The following LARS2 variants were observed in gnomAD, a reference collection of about 807,000 sequenced individuals.
LARS2 encodes the protein leucine--tRNA ligase, mitochondrial.
A neutral mutation model predicts 116.6 loss-of-function variants in LARS2; 81 were observed. The ratio of observed to expected loss-of-function variants is 0.69; its 90% CI spans 0.58 to 0.84. LARS2 has a LOEUF of 0.84. Ranked by LOEUF, LARS2 falls within the 40% of genes least tolerant of loss-of-function variation. The pLI is 0.00. For missense variants in LARS2, 968 were observed against 1,114.5 expected, an observed-to-expected ratio of 0.87 and a Z score of 1.87; for synonymous variants, 396 against 407.2, an observed-to-expected ratio of 0.97 and a Z score of 0.33.
intron 6 of LARS2, among the ~76,000 whole-genome samples, chr3:45,439,082 T>A (rs1698858150): frequency 6.6e-6 from 1 of 152,094 alleles, no homozygotes; most frequent in Non-Finnish European, 1.5e-5. Context: ...TGTTCCCTAC[T>A]TCCTCCTCCC....
intron 20 of LARS2, among the ~76,000 whole-genome samples, chr3:45,539,988 G>C (rs1001029413): frequency 2.6e-5 from 4 of 151,820 alleles, no homozygotes; most frequent in African/African-American, 9.7e-5. Context: ...ATGCTATCTG[G>C]GGTTGGGTGC....
intron 8 of LARS2, among the ~76,000 whole-genome samples, chr3:45,461,643 G>A (rs1015707889): frequency 6.6e-6 from 1 of 152,180 alleles, no homozygotes; most frequent in African/African-American, 2.4e-5. Flanking sequence ...GATGCAGAGA[G>A]ACCAGTTAGA....
chr3:45,419,293 C>CT (rs541931584), intron 5 of LARS2, among the ~76,000 whole-genome samples: 438 of 152,286 alleles, frequency 2.9e-3, no homozygotes, highest in African/African-American at 0.01. Flanking sequence ...TTTTCAGCCA[C>CT]TTTTAAGCTT....
chr3:45,539,670 C>T (rs1327193591), intron 20 of LARS2, among the ~76,000 whole-genome samples: 1 of 151,960 alleles, frequency 6.6e-6, no homozygotes, highest in African/African-American at 2.4e-5. Flanking sequence ...ACTTCTACTC[C>T]CCAGAGATAC....
Position 45,485,767 on chromosome 3 carries a change from A to C in LARS2, c.1094A>C (p.Asp365Ala). Residue 365 changes from aspartate (D) to alanine (A), a missense_variant, in exon 11 of 22, where the codon GAC becomes GCC. Coordinates refer to ENST00000645846, the MANE Select transcript of LARS2 (RefSeq NM_015340.4). ...EVPVVILAKA[D>A]LEGSLDSKIG... ...CCTGTCGTTATTTTGGCCAAAGCTGACTTGGAAGGCTCTCTGGATTCAAAA... is the reference window on the plus strand; with the variant it reads ...CCTGTCGTTATTTTGGCCAAAGCTGCCTTGGAAGGCTCTCTGGATTCAAAA... 1 of 1,610,926 alleles carries C rather than the reference A, an allele frequency of 6.2e-7. No individual in the cohort carries two copies. Among genetic ancestry groups the C allele is most frequent in the Non-Finnish European group, 8.5e-7 (1 of 1,177,956 alleles).
chr3:45,539,807 G>T lies in LARS2; in HGVS notation c.2405-2022G>T, dbSNP rs147524321. Among the ~76,000 whole-genome samples the T allele has an allele frequency of 5.9e-5, 9 of 152,072 alleles. No individual in the cohort carries two copies. In the East Asian group the frequency reaches 1.7e-3, roughly 29 times the overall value. On this transcript the variant is annotated intron_variant, in intron 20 of 21. Transcript: ENST00000645846. ...GGTCCTATTATATATATAATTGTGT[G>T]TCATTCTTTGCCATGAAATTAAATA...
chr3:45,486,919 T>G (rs1365049956), intron 11 of LARS2, among the ~76,000 whole-genome samples: 1 of 152,206 alleles, frequency 6.6e-6, no homozygotes, highest in African/African-American at 2.4e-5. Context: ...ATCGGATTTT[T>G]TTAGGTGCAT....
Position 45,496,357 on chromosome 3 carries a change from C to G in LARS2, c.1606C>G (p.Pro536Ala). The G allele has an allele frequency of 6.2e-7, 1 of 1,612,954 alleles. No individual in the cohort carries two copies. Among genetic ancestry groups the G allele is most frequent in the Non-Finnish European group, 8.5e-7 (1 of 1,179,034 alleles). ...TTGGTACTACTTCAGATACACTGAC[C>G]CTCATAATCCACACAGGTAAAACGT... ...SAWYYFRYTD[P>A]HNPHSPFNTA... Residue 536 changes from proline (P) to alanine (A), a missense_variant, in exon 14 of 22, where the codon CCT (proline) becomes GCT (alanine). Pro to Ala is a conservative substitution (Grantham distance 27, BLOSUM62 -1). Transcript: ENST00000645846.
intron 7 of LARS2, among the ~76,000 whole-genome samples, chr3:45,458,066 A>G (rs2125709983): frequency 1.3e-5 from 2 of 152,326 alleles, no homozygotes; most frequent in East Asian, 3.9e-4. Flanking sequence ...GTAAAAATGT[A>G]TCGAGTTGTA....
chr3:45,422,069 A>G (rs1698522191), intron 6 of LARS2: 1 of 152,226 alleles, frequency 6.6e-6, no homozygotes, highest in Admixed American at 6.5e-5. Flanking sequence ...CACATATTTT[A>G]TTATTTCCTT....
At chr3:45,448,588 C>G (rs1411985331) in intron 7 of LARS2, among the ~76,000 whole-genome samples, 2 of 151,810 alleles carry the variant, frequency 1.3e-5, no homozygotes, top group African/African-American at 2.4e-5. Context: ...GATTTACCCA[C>G]ATATTTATTA....
At chr3:45,515,511 C>T (rs10510746) in intron 16 of LARS2, among the ~76,000 whole-genome samples, 78,712 of 152,122 alleles carry the variant, frequency 0.52, 24,294 homozygotes, top group East Asian at 0.78. Flanking sequence ...TTTAAGACCC[C>T]TTCCATCAGC....
intron 5 of LARS2, among the ~76,000 whole-genome samples, chr3:45,418,781 C>T (rs1487826827): frequency 1.3e-5 from 2 of 152,254 alleles, no homozygotes; most frequent in Admixed American, 1.3e-4. Flanking sequence ...ATGATGGCCC[C>T]TGAGCCAGGC....
At chr3:45,533,141 C>CTTT (rs3085466) in intron 20 of LARS2, among the ~76,000 whole-genome samples, 4,956 of 51,108 alleles carry the variant, frequency 0.097, 1,503 homozygotes, top group Middle Eastern at 0.22. Context: ...CACATTAAGT[C>CTTT]TTTTTTTTTT....
chr3:45,436,191 C>T (rs1021065868), intron 6 of LARS2, among the ~76,000 whole-genome samples: 6 of 152,144 alleles, frequency 3.9e-5, no homozygotes, highest in Admixed American at 2.0e-4. Context: ...GATATTTCCT[C>T]TTCCTCTGGA....
intron 15 of LARS2, among the ~76,000 whole-genome samples, chr3:45,503,248 T>C (rs534454425): frequency 1.3e-5 from 2 of 152,172 alleles, no homozygotes; most frequent in East Asian, 3.9e-4. Context: ...GTCTACAGAT[T>C]CTCAGGAGAA....
At chr3:45,425,564 A>AGTTTTGAT (rs1698580245) in intron 6 of LARS2, among the ~76,000 whole-genome samples, 1 of 152,212 alleles carries the variant, frequency 6.6e-6, no homozygotes, top group African/African-American at 2.4e-5. Flanking sequence ...TGGTGACTTC[A>AGTTTTGAT]GGCCCTTCCA....
At position 45,516,224 on chromosome 3, in the gene LARS2, C is replaced by T; in HGVS notation, c.1992C>T (p.Leu664=). The change falls in exon 17 of 22, where the codon CTC becomes CTT. Residue 664 remains leucine (L), a synonymous_variant. Coordinates refer to ENST00000645846, the MANE Select transcript of LARS2 (RefSeq NM_015340.4). ...VEQYGIDTIR[L]YILFAAPPEK... is the part of the protein sequence containing the mutation. The stretch of plus-strand genomic sequence containing the variant: ...AGTATGGGATCGACACGATTCGGCT[C>T]TACATCCTTTTTGCTGCCCCTCCTG... 6.2e-7 allele frequency: 1 copy of T among 1,614,170 alleles called. No individual in the cohort carries two copies. Among genetic ancestry groups the T allele is most frequent in the Non-Finnish European group, 8.5e-7 (1 of 1,180,000 alleles).
chr3:45,468,070 G>A (rs543978464), intron 8 of LARS2, among the ~76,000 whole-genome samples: 1 of 152,062 alleles, frequency 6.6e-6, no homozygotes. Context: ...CTGCACTTCA[G>A]CCTGGGCGAC....
Sources: gnomAD v4.1 joint callset for allele counts (sites outside exome capture counted in the v4.1 genomes callset) on GRCh38, gnomAD v4.1.1 for gene constraint, MANE v1.5 for transcripts, NCBI Gene and HGNC (gene_info 2026-07-23, HGNC 2026-07-21) for gene names.